The following ATP6V0E1 variants were observed in gnomAD, a reference collection of about 807,000 sequenced individuals.
The protein encoded by ATP6V0E1 is ATPase H+ transporting V0 subunit e1.
In ATP6V0E1, 4 loss-of-function variants were observed where a neutral mutation model predicts 11.6. The ratio of observed to expected loss-of-function variants is 0.35; its 90% CI spans 0.17 to 0.79. The LOEUF (loss-of-function observed/expected upper bound fraction) is 0.79. Among genes scored for constraint, ATP6V0E1 ranks in the 30% least tolerant of loss-of-function variants. The pLI is 0.54. For synonymous variants in ATP6V0E1, 36 were observed against 34.8 expected (o/e 1.04, Z -0.13); for missense variants, 105 against 100.0 (o/e 1.05, Z -0.21).
chr5:173,020,185 A>G, intron 2 of ATP6V0E1, 53 bp from the exon 3 acceptor site: 1 of 1,434,738 alleles, frequency 7.0e-7, no homozygotes, highest in Non-Finnish European at 9.8e-7. Context: ...GAAAATGGTC[A>G]TGTTCCAACA....
At chr5:173,003,753 G>A (rs1229087698) in intron 2 of ATP6V0E1, among the ~76,000 whole-genome samples, 1 of 152,220 alleles carries the variant, frequency 6.6e-6, no homozygotes, top group Non-Finnish European at 1.5e-5. Context: ...CCTGACTTGG[G>A]ACAGGATGAA....
chr5:173,023,497 AT>A (rs938596205), intron 3 of ATP6V0E1, among the ~76,000 whole-genome samples: 3 of 152,260 alleles, frequency 2.0e-5, no homozygotes, highest in African/African-American at 7.2e-5. Context: ...TTCCCGTCTG[AT>A]TTTTCAATTG....
At chr5:173,031,418 TC>T (rs1756650138) in intron 3 of ATP6V0E1, among the ~76,000 whole-genome samples, 1 of 138,172 alleles carries the variant, frequency 7.2e-6, no homozygotes, top group African/African-American at 2.8e-5. Flanking sequence ...ACCTTATGAC[TC>T]TTTTTTTTTT....
chr5:173,000,193 C>T (rs1304692107), intron 2 of ATP6V0E1, among the ~76,000 whole-genome samples: 1 of 152,100 alleles, frequency 6.6e-6, no homozygotes, highest in Admixed American at 6.6e-5. Flanking sequence ...AGTTTGATTC[C>T]GTGAGGCTCA....
chr5:173,009,312 C>CA (rs949899261), intron 2 of ATP6V0E1, among the ~76,000 whole-genome samples: 2 of 151,920 alleles, frequency 1.3e-5, no homozygotes, highest in African/African-American at 4.8e-5. Flanking sequence ...CCTGCAATCT[C>CA]AGCTACTCAG....
intron 3 of ATP6V0E1, among the ~76,000 whole-genome samples, chr5:173,027,082 G>A (rs1225786574): frequency 6.6e-6 from 1 of 151,316 alleles, no homozygotes; most frequent in Non-Finnish European, 1.5e-5. Flanking sequence ...GGGAGGCTGG[G>A]GCAGGATAAT....
intron 2 of ATP6V0E1, among the ~76,000 whole-genome samples, chr5:173,011,931 T>C (rs1399647310): frequency 1.3e-5 from 2 of 152,076 alleles, no homozygotes; most frequent in Admixed American, 1.3e-4. Flanking sequence ...TAAAGGGAAA[T>C]TTTAAGTCAG....
chr5:173,015,766 A>T (rs1005030035), intron 2 of ATP6V0E1, among the ~76,000 whole-genome samples: 4 of 152,162 alleles, frequency 2.6e-5, no homozygotes, highest in Non-Finnish European at 5.9e-5. Context: ...TCACTCTGTC[A>T]TCCAGGCTAA....
At chr5:173,024,712 C>G (rs765655269) in intron 3 of ATP6V0E1, among the ~76,000 whole-genome samples, 2 of 151,992 alleles carry the variant, frequency 1.3e-5, no homozygotes, top group African/African-American at 2.4e-5. Context: ...ATAATTGCTT[C>G]TAAGCCTTTT....
intron 1 of ATP6V0E1, among the ~76,000 whole-genome samples, chr5:172,990,893 C>A (rs1755969536): frequency 6.6e-6 from 1 of 151,562 alleles, no homozygotes. Context: ...GTCTTAAACA[C>A]CTGGCCTCAG....
chr5:173,029,028 G>A (rs1335507913), intron 3 of ATP6V0E1, among the ~76,000 whole-genome samples: 2 of 152,206 alleles, frequency 1.3e-5, no homozygotes, highest in Non-Finnish European at 2.9e-5. Flanking sequence ...TGAAGGCATA[G>A]AAATGCTGTT....
intron 3 of ATP6V0E1, among the ~76,000 whole-genome samples, chr5:173,023,427 C>T (rs971049807): frequency 3.9e-5 from 6 of 152,220 alleles, no homozygotes; most frequent in Non-Finnish European, 8.8e-5. Context: ...AACTCCTGAC[C>T]TCAGGTGATC....
At chr5:173,020,402 T>A in intron 3 of ATP6V0E1, 35 bp downstream of exon 3, 1 of 1,293,140 alleles carries the variant, frequency 7.7e-7, no homozygotes, top group Non-Finnish European at 1.1e-6. Flanking sequence ...ATCAGTATGG[T>A]CAGGCAGTCA....
chr5:172,990,865 G>A (rs1394093139), intron 1 of ATP6V0E1, among the ~76,000 whole-genome samples: 6 of 150,988 alleles, frequency 4.0e-5, no homozygotes, highest in East Asian at 1.9e-4. Flanking sequence ...ATGGGATCTC[G>A]CTCTGTTGGC....
intron 1 of ATP6V0E1, chr5:172,987,062 A>G: frequency 5.7e-6 from 1 of 176,936 alleles, no homozygotes; most frequent in Non-Finnish European, 1.2e-5. Flanking sequence ...CTAGAATTAC[A>G]GGCATGAGCC....
chr5:172,994,269 A>G (rs886506001), intron 1 of ATP6V0E1, among the ~76,000 whole-genome samples: 1 of 152,122 alleles, frequency 6.6e-6, no homozygotes, highest in African/African-American at 2.4e-5. Context: ...GGAGATTCAG[A>G]AGGGGAGCTT....
At chr5:172,992,944 A>C (rs1756008419) in intron 1 of ATP6V0E1, among the ~76,000 whole-genome samples, 1 of 151,828 alleles carries the variant, frequency 6.6e-6, no homozygotes, top group Non-Finnish European at 1.5e-5. Context: ...ATTACAGGCG[A>C]GCACCACCAC....
intron 2 of ATP6V0E1, among the ~76,000 whole-genome samples, chr5:173,000,082 G>T (rs1425737285): frequency 6.6e-6 from 1 of 152,132 alleles, no homozygotes; most frequent in East Asian, 1.9e-4. Context: ...CACCCAAAGA[G>T]ACTTTGGCTT....
intron 2 of ATP6V0E1, among the ~76,000 whole-genome samples, chr5:173,000,167 G>T (rs1283326079): frequency 2.0e-5 from 3 of 152,112 alleles, no homozygotes; most frequent in African/African-American, 7.2e-5. Context: ...TCTGGTGCCA[G>T]TTTGTTCTAG....
Sources: allele counts gnomAD v4.1 joint callset (sites outside exome capture counted in the v4.1 genomes callset), GRCh38; gene constraint gnomAD v4.1.1; transcripts MANE v1.5; gene names NCBI Gene and HGNC (gene_info 2026-07-23, HGNC 2026-07-21).